Variants in SNX14 observed in about 807,000 individuals in gnomAD.
SNX14 encodes the protein sorting nexin-14.
A neutral mutation model predicts 133.8 loss-of-function variants in SNX14; 93 were observed. That is an observed-to-expected ratio of 0.70 (90% CI 0.59 to 0.83). The LOEUF (loss-of-function observed/expected upper bound fraction) is 0.83, where lower values mean the gene tolerates loss of function less well. Among genes scored for constraint, SNX14 ranks in the 40% least tolerant of loss-of-function variants. SNX14 has a pLI of 0.00. For synonymous variants in SNX14, 368 were observed against 365.6 expected (o/e 1.01, Z -0.07); for missense variants, 945 against 1,094.9 (o/e 0.86, Z 1.93).
chr6:85,542,130 T>TA, intron 14 of SNX14, 87 bp from the exon 15 acceptor site: 2 of 908,810 alleles, frequency 2.2e-6, no homozygotes, highest in Non-Finnish European at 3.2e-6. Context: ...TTTCCAGTTT[T>TA]GGGAAAAAAA....
chr6:85,543,673 G>C lies in SNX14; in HGVS notation c.1196C>G (p.Thr399Arg), dbSNP rs752934645. Residue 399 changes from threonine (T) to arginine (R), a missense_variant, in exon 13 of 29, where the codon ACA (threonine) becomes AGA (arginine). Coordinates refer to ENST00000314673, the MANE Select transcript of SNX14 (RefSeq NM_153816.6). The part of the protein sequence containing the change: ...LHEELQKIYK[T>R]YCLDESIDKI... Reference sequence around the variant, plus strand: ...GTCAATACTTTCATCCAAACAGTATGTTTTATAAATCTTCTGCAATTCTTC... The same window carrying C: ...GTCAATACTTTCATCCAAACAGTATCTTTTATAAATCTTCTGCAATTCTTC... 3 of 1,585,302 alleles carry C rather than the reference G, an allele frequency of 1.9e-6. No individual in the cohort carries two copies. The highest frequency in any genetic ancestry group is 2.3e-5 in the East Asian group (1 of 43,796).
chr6:85,524,964 C>A lies in SNX14; in HGVS notation c.2107+1162G>T, dbSNP rs573715011. 1.4e-3 allele frequency among the ~76,000 whole-genome samples: 212 copies of A among 152,148 alleles called. 3 individuals carry two copies. Among genetic ancestry groups the A allele is most frequent in the Middle Eastern group, 3.4e-3 (1 of 294 alleles). ...TATATTTCTATTTTTTATACATGTA[C>A]TTGTAATGTATGTACTATATTAGTG... On this transcript the variant is annotated intron_variant, in intron 21 of 28. Coordinates refer to ENST00000314673, the MANE Select transcript of SNX14 (RefSeq NM_153816.6).
chr6:85,562,157 A>T (rs1791861694), intron 6 of SNX14, among the ~76,000 whole-genome samples: 3 of 152,218 alleles, frequency 2.0e-5, no homozygotes. Context: ...ATGTTGCTGC[A>T]AAGAACATGA....
chr6:85,547,607 A>G lies in SNX14; in HGVS notation c.868-57T>C, dbSNP rs543788063. On this transcript the variant is annotated intron_variant, in intron 9 of 28. Coordinates refer to ENST00000314673, the MANE Select transcript of SNX14 (RefSeq NM_153816.6). ...AATTCCACTACTGTATTCTCCCCAG[A>G]ATTCTCATAACTTGTATCATATTAT... 5.9e-6 allele frequency: 8 copies of G among 1,362,420 alleles called. No homozygotes were observed. The African/African-American group carries it at 1.2e-4, about 20-fold the overall frequency. 84.4% of individuals were successfully genotyped at this position (1,362,420 alleles called of 1,614,324 possible).
intron 1 of SNX14, among the ~76,000 whole-genome samples, chr6:85,579,920 G>A (rs577027876): frequency 6.6e-6 from 1 of 152,342 alleles, no homozygotes; most frequent in East Asian, 1.9e-4. Context: ...GAACTAGTGA[G>A]ACATCCTGTG....
chr6:85,523,676 G>A (rs1777603155), intron 21 of SNX14, among the ~76,000 whole-genome samples: 1 of 151,956 alleles, frequency 6.6e-6, no homozygotes, highest in Admixed American at 6.6e-5. Flanking sequence ...GAGGTGGGAG[G>A]AATGCCTGAG....
At chr6:85,535,681 GAATT>G (rs952793151) in intron 17 of SNX14, among the ~76,000 whole-genome samples, 2 of 150,366 alleles carry the variant, frequency 1.3e-5, no homozygotes, top group Non-Finnish European at 3.0e-5. Context: ...GGCTTTATTT[GAATT>G]AATAAAAAAA....
chr6:85,535,604 CAAAAAAAA>C (rs10707377), intron 17 of SNX14, among the ~76,000 whole-genome samples: 1 of 84,332 alleles, frequency 1.2e-5, no homozygotes, highest in Non-Finnish European at 2.4e-5. Flanking sequence ...GACTCCGTCT[CAAAAAAAA>C]AAAAAAAAAA....
intron 6 of SNX14, among the ~76,000 whole-genome samples, chr6:85,561,679 C>G (rs1791658277): frequency 6.6e-6 from 1 of 152,124 alleles, no homozygotes. Flanking sequence ...CATCAGCCCA[C>G]CACCACACTA....
intron 6 of SNX14, among the ~76,000 whole-genome samples, chr6:85,559,455 G>T (rs540223870): frequency 1.3e-5 from 2 of 152,224 alleles, no homozygotes; most frequent in South Asian, 4.1e-4. Context: ...TAATGGGTTT[G>T]TCACTAAACT....
At chr6:85,534,068 G>C (rs1320470445) in intron 17 of SNX14, among the ~76,000 whole-genome samples, 2 of 152,176 alleles carry the variant, frequency 1.3e-5, no homozygotes, top group African/African-American at 4.8e-5. Flanking sequence ...AACACTTTCA[G>C]AAGCTGAGGT....
At chr6:85,509,152 G>A (rs1368846915) in intron 26 of SNX14, among the ~76,000 whole-genome samples, 1 of 152,114 alleles carries the variant, frequency 6.6e-6, no homozygotes, top group Non-Finnish European at 1.5e-5. Flanking sequence ...ACAAAGGAAT[G>A]GTAAGCTTGC....
intron 1 of SNX14, among the ~76,000 whole-genome samples, chr6:85,593,316 A>C (rs1803511010): frequency 6.6e-6 from 1 of 152,142 alleles, no homozygotes; most frequent in African/African-American, 2.4e-5. Flanking sequence ...AAGATGAAGA[A>C]CTCGTTTTGA....
intron 7 of SNX14, among the ~76,000 whole-genome samples, chr6:85,551,044 G>C (rs1052680500): frequency 6.6e-6 from 1 of 152,132 alleles, no homozygotes; most frequent in Non-Finnish European, 1.5e-5. Context: ...GCCTCGCAAA[G>C]TGCTGGGATT....
intron 15 of SNX14, among the ~76,000 whole-genome samples, chr6:85,540,730 T>A (rs1431796044): frequency 6.6e-6 from 1 of 152,202 alleles, no homozygotes; most frequent in African/African-American, 2.4e-5. Flanking sequence ...ATACAATATA[T>A]TCTCCTCGTG....
chr6:85,564,043 T>G (rs1202072846), intron 6 of SNX14, among the ~76,000 whole-genome samples: 1 of 152,138 alleles, frequency 6.6e-6, no homozygotes, highest in African/African-American at 2.4e-5. Context: ...GTCCTCATGA[T>G]AGTTTGCTGA....
intron 21 of SNX14, 147 bp from the exon 22 acceptor site, chr6:85,518,195 G>GA (rs1157212080): frequency 1.1e-5 from 7 of 612,268 alleles, no homozygotes; most frequent in African/African-American, 5.7e-5. Flanking sequence ...ACACTCCATG[G>GA]AAATTTTCAA....
rs537465412 is a variant in SNX14 at position 85,513,079 on chromosome 6, C to T, written c.2653+721G>A. Among the ~76,000 whole-genome samples the T allele has an allele frequency of 1.9e-4, 29 of 152,292 alleles. No homozygotes were observed. The East Asian group carries it at 5.2e-3, about 27-fold the overall frequency. On this transcript the variant is annotated intron_variant, in intron 26 of 28. Transcript: ENST00000314673. ...ACCACCTTTTCTCCAACTTTTGAAC[C>T]TCGGTGTCTAAGTGTTTAACAGACA... is the stretch of plus-strand genomic sequence containing the variant.
intron 23 of SNX14, among the ~76,000 whole-genome samples, chr6:85,516,632 CTTTTTTTTTTTTT>C (rs746721196): frequency 7.9e-6 from 1 of 126,426 alleles, no homozygotes; most frequent in East Asian, 2.2e-4. Context: ...CTTCCTTAAT[CTTTTTTTTTTTTT>C]TTTTTTTTTG....
Sources: gnomAD v4.1 joint callset for allele counts (sites outside exome capture counted in the v4.1 genomes callset) on GRCh38, gnomAD v4.1.1 for gene constraint, MANE v1.5 for transcripts, NCBI Gene and HGNC (gene_info 2026-07-23, HGNC 2026-07-21) for gene names.